The following PLXNA4 variants were observed in gnomAD, a reference collection of about 807,000 sequenced individuals.
PLXNA4 encodes plexin A4.
A neutral mutation model predicts 191.8 loss-of-function variants in PLXNA4; 44 were observed. That is an observed-to-expected ratio of 0.23 (90% CI 0.18 to 0.29). The LOEUF is 0.29. PLXNA4 is among the 10% of genes least tolerant of loss of function. The pLI is 1.00. For synonymous variants in PLXNA4, 1,082 were observed against 1,009.5 expected, an observed-to-expected ratio of 1.07 and a Z score of -1.36; for missense variants, 1,800 against 2,488.8, an observed-to-expected ratio of 0.72 and a Z score of 5.89.
At chr7:132,410,604 G>C (rs1794416788) in intron 3 of PLXNA4, among the ~76,000 whole-genome samples, 1 of 152,200 alleles carries the variant, frequency 6.6e-6, no homozygotes, top group Non-Finnish European at 1.5e-5. Flanking sequence ...GTGTCATAGA[G>C]GAAGGAGGGT....
At chr7:132,233,070 T>C (rs1190339540) in intron 5 of PLXNA4, among the ~76,000 whole-genome samples, 2 of 152,180 alleles carry the variant, frequency 1.3e-5, no homozygotes, top group African/African-American at 4.8e-5. Context: ...GTGCACCATC[T>C]GTGCTTAGAA....
rs185385088 is a variant in PLXNA4 at position 132,215,997 on chromosome 7, T to C, written c.2098-4854A>G. On this transcript the variant is annotated intron_variant, in intron 9 of 31. Coordinates refer to ENST00000321063, the MANE Select transcript of PLXNA4 (RefSeq NM_020911.2). ...GAGGGGATTGTGGGAGCCCCTGACT[T>C]ATAACTGGTGGGTCAGAACTGCAGG... 2.6e-3 allele frequency among the ~76,000 whole-genome samples: 397 copies of C among 152,316 alleles called. 1 individual carries two copies. Among genetic ancestry groups the C allele is most frequent in the South Asian group, 4.8e-3 (23 of 4,828 alleles).
chr7:132,318,812 G>A (rs1422071264), intron 3 of PLXNA4, among the ~76,000 whole-genome samples: 1 of 152,114 alleles, frequency 6.6e-6, no homozygotes, highest in East Asian at 1.9e-4. Context: ...GCTCTGTTCT[G>A]TGGTGTATAT....
chr7:132,457,809 T>C (rs1373960238), intron 3 of PLXNA4, among the ~76,000 whole-genome samples: 1 of 152,170 alleles, frequency 6.6e-6, no homozygotes, highest in Non-Finnish European at 1.5e-5. Flanking sequence ...TTAAAGATGC[T>C]ATGCCGTTGG....
chr7:132,145,021 C>T, intron 29 of PLXNA4, 98 bp downstream of exon 29: 2 of 1,563,804 alleles, frequency 1.3e-6, no homozygotes, highest in South Asian at 2.3e-5. Context: ...CAGGCTCTGG[C>T]CAGCCCTTCT....
At chr7:132,186,847 C>CAG (rs564318112) in intron 15 of PLXNA4, among the ~76,000 whole-genome samples, 128 of 152,214 alleles carry the variant, frequency 8.4e-4, no homozygotes, top group African/African-American at 3.0e-3. Context: ...GCCTGGGGAC[C>CAG]AGAGAGCCTA....
chr7:132,588,325 G>T (rs1802539785), intron 2 of PLXNA4, among the ~76,000 whole-genome samples: 1 of 151,984 alleles, frequency 6.6e-6, no homozygotes, highest in Non-Finnish European at 1.5e-5. Flanking sequence ...TCTCTCCCTT[G>T]GGAGAAATTA....
intron 22 of PLXNA4, among the ~76,000 whole-genome samples, chr7:132,165,608 GTATTTATTTT>G (rs922569816): frequency 1.3e-5 from 2 of 152,052 alleles, no homozygotes; most frequent in Non-Finnish European, 2.9e-5. Flanking sequence ...CACTGAACTT[GTATTTATTTT>G]TAACTAATTT....
At chr7:132,331,732 C>T (rs10255991) in intron 3 of PLXNA4, among the ~76,000 whole-genome samples, 29 of 152,292 alleles carry the variant, frequency 1.9e-4, no homozygotes, top group African/African-American at 6.7e-4. Context: ...CCCAAAGCAC[C>T]AGCCCTCTGT....
chr7:132,327,173 A>AAAAAAAAAAAAAAAAG (rs373719875), intron 3 of PLXNA4, among the ~76,000 whole-genome samples: 33 of 133,858 alleles, frequency 2.5e-4, no homozygotes, highest in Non-Finnish European at 4.2e-4. Context: ...GGAAGGCAAA[A>AAAAAAAAAAAAAAAAG]AAAAAAGAAA....
At position 132,508,910 on chromosome 7, in the gene PLXNA4, T is replaced by A. The variant is rs1798597888; in HGVS notation, c.-86-131A>T. On this transcript the variant is annotated intron_variant, in intron 1 of 31. Transcript: ENST00000321063. The surrounding 1 kb of genome is among the most constrained non-coding windows in gnomAD (Gnocchi z 4.4). ...AACTGCACTGGGGGGTGCTGGAGGC[T>A]GACTGAGTCAACCCCCACCACGGGC... 1 of 929,356 alleles carries A rather than the reference T, an allele frequency of 1.1e-6. No individual in the cohort carries two copies. Among genetic ancestry groups the A allele is most frequent in the African/African-American group, 1.7e-5 (1 of 60,252 alleles). The allele number at this position is 929,356 out of a possible 1,614,324, so 57.6% of individuals were successfully genotyped here.
In PLXNA4 at chr7:132,385,948, G is replaced by A. The variant is rs147323502; in HGVS notation, c.1372-87726C>T. ...TTGAACGCTGAAGTGGCTAATTTCC[G>A]AAGGATGTAAGAAGATCATTCAACA... is the stretch of plus-strand genomic sequence containing the variant. On this transcript the variant is annotated intron_variant, in intron 3 of 31. Transcript: ENST00000321063. Among the ~76,000 whole-genome samples the A allele has an allele frequency of 4.9e-4, 75 of 152,342 alleles. 1 individual carries two copies. Among genetic ancestry groups the A allele is most frequent in the Middle Eastern group, 3.4e-3 (1 of 294 alleles).
intron 2 of PLXNA4, among the ~76,000 whole-genome samples, chr7:132,588,111 C>G (rs887969824): frequency 6.6e-6 from 1 of 151,962 alleles, no homozygotes; most frequent in Non-Finnish European, 1.5e-5. Flanking sequence ...AAAGCTAGAA[C>G]AGGGATCTTA....
At chr7:132,180,410 C>T (rs1194009067) in intron 19 of PLXNA4, among the ~76,000 whole-genome samples, 176 bp downstream of exon 19, 1 of 152,132 alleles carries the variant, frequency 6.6e-6, no homozygotes, top group Non-Finnish European at 1.5e-5. Flanking sequence ...GAAAGAATGA[C>T]AATACAGAAG....
At chr7:132,562,053 C>CT (rs1801168872) in intron 1 of PLXNA4, among the ~76,000 whole-genome samples, 1 of 67,466 alleles carries the variant, frequency 1.5e-5, no homozygotes, top group Non-Finnish European at 2.8e-5. Flanking sequence ...CTCCTCCTCT[C>CT]CCTCCTCCTT....
intron 16 of PLXNA4, among the ~76,000 whole-genome samples, chr7:132,182,471 G>T (rs1179602716): frequency 6.6e-6 from 1 of 152,128 alleles, no homozygotes; most frequent in African/African-American, 2.4e-5. Context: ...CAGCCCCCTT[G>T]GCTCTCCAAG....
At chr7:132,195,010 AG>A (rs1393907240) in intron 13 of PLXNA4, among the ~76,000 whole-genome samples, 3 of 152,008 alleles carry the variant, frequency 2.0e-5, no homozygotes, top group Non-Finnish European at 2.9e-5. Flanking sequence ...GGCAAAGAAA[AG>A]TTAGGCAACT....
chr7:132,335,848 C>G (rs1802795509), intron 3 of PLXNA4, among the ~76,000 whole-genome samples: 1 of 152,232 alleles, frequency 6.6e-6, no homozygotes, highest in Non-Finnish European at 1.5e-5. Context: ...TGTGTTGCCA[C>G]CTTGTCTCAA....
intron 4 of PLXNA4, among the ~76,000 whole-genome samples, chr7:132,284,931 T>A (rs1800627725): frequency 6.6e-6 from 1 of 152,020 alleles, no homozygotes; most frequent in South Asian, 2.1e-4. Context: ...GCCAGGCTAG[T>A]CTCAAACTCC....
Sources: gnomAD v4.1 joint callset for allele counts (sites outside exome capture counted in the v4.1 genomes callset) on GRCh38, gnomAD v4.1.1 for gene constraint, Gnocchi (gnomAD v3.1) non-coding constraint, MANE v1.5 for transcripts, NCBI Gene and HGNC (gene_info 2026-07-23, HGNC 2026-07-21) for gene names.